EXOC4: variants seen among roughly 807,000 people sequenced by gnomAD.
The protein encoded by EXOC4 is exocyst complex component 4, also known as SEC8-like 1.
Under a neutral mutation model 107.2 loss-of-function variants are expected in EXOC4, and 71 were observed. The ratio of observed to expected loss-of-function variants is 0.66; its 90% CI spans 0.55 to 0.81. The LOEUF (loss-of-function observed/expected upper bound fraction) is 0.81, where lower values mean the gene tolerates loss of function less well. Ranked by LOEUF, EXOC4 falls within the 30% of genes least tolerant of loss-of-function variation. The pLI, the probability that EXOC4 is intolerant of heterozygous loss-of-function variation, is 0.00. For missense variants in EXOC4, 1,108 were observed against 1,189.6 expected (o/e 0.93, Z 1.01); for synonymous variants, 456 against 441.2 (o/e 1.03, Z -0.42).
At position 133,781,005 on chromosome 7, in the gene EXOC4, T is replaced by C. The variant is rs186181256; in HGVS notation, c.1515-36320T>C. On this transcript the variant is annotated intron_variant, in intron 10 of 17. Transcript: ENST00000253861. ...ACAAAACTGGGTAGATAACCTTTTA[T>C]TAGCCTTTGGAAGCAAGAGGCACTG... 4.6e-5 allele frequency among the ~76,000 whole-genome samples: 7 copies of C among 152,326 alleles called. 1 individual carries two copies. Among genetic ancestry groups the C allele is most frequent in the Admixed American group, 4.6e-4 (7 of 15,306 alleles).
At chr7:134,100,254 AAG>A in the EXOC4 span, among the ~76,000 whole-genome samples, 1 of 75,466 alleles carries the variant, frequency 1.3e-5, no homozygotes, top group Admixed American at 1.7e-4. Flanking sequence ...CTGCTGCCAC[AAG>A]CCTAGGAACC....
chr7:133,464,209 A>G (rs944441025), intron 7 of EXOC4, among the ~76,000 whole-genome samples: 12 of 152,174 alleles, frequency 7.9e-5, no homozygotes, highest in African/African-American at 2.9e-4. Context: ...GTACATTTGC[A>G]GGATGTGCAG....
At chr7:134,055,123 C>T (rs1191233783) in intron 17 of EXOC4, among the ~76,000 whole-genome samples, 4 of 152,142 alleles carry the variant, frequency 2.6e-5, no homozygotes, top group Non-Finnish European at 5.9e-5. Context: ...GGTTCTTCTA[C>T]GAAATCATTT....
chr7:133,475,212 A>G (rs1425314793), intron 7 of EXOC4, 116 bp from the exon 8 acceptor site: 1 of 829,760 alleles, frequency 1.2e-6, no homozygotes, highest in East Asian at 2.7e-5. Flanking sequence ...TGACCAGGTT[A>G]ATATACTCCT....
intron 9 of EXOC4, among the ~76,000 whole-genome samples, chr7:133,501,298 C>T (rs1161796487): frequency 6.6e-6 from 1 of 151,984 alleles, no homozygotes; most frequent in Admixed American, 6.6e-5. Flanking sequence ...CTTTGAGTGC[C>T]ACCATGGCAG....
intron 14 of EXOC4, among the ~76,000 whole-genome samples, chr7:133,950,408 A>G (rs1262395153): frequency 6.6e-6 from 1 of 152,166 alleles, no homozygotes; most frequent in Non-Finnish European, 1.5e-5. Context: ...AGATCTGTAT[A>G]CTTTACCCAA....
chr7:133,552,347 C>G (rs899273949), intron 9 of EXOC4, among the ~76,000 whole-genome samples: 10 of 152,080 alleles, frequency 6.6e-5, no homozygotes, highest in African/African-American at 2.4e-4. Context: ...TTTTAATAGA[C>G]AGGGCAGAAA....
chr7:133,518,522 C>T (rs2150907468), intron 9 of EXOC4, among the ~76,000 whole-genome samples: 1 of 152,014 alleles, frequency 6.6e-6, no homozygotes, highest in East Asian at 1.9e-4. Flanking sequence ...AAAACAGGGA[C>T]TCAAACAGAT....
At chr7:133,646,475 A>T (rs1283716465) in intron 10 of EXOC4, among the ~76,000 whole-genome samples, 1 of 152,106 alleles carries the variant, frequency 6.6e-6, no homozygotes, top group Non-Finnish European at 1.5e-5. Flanking sequence ...ATGAAAGTGT[A>T]AGCTTTTTCA....
chr7:133,755,255 AT>A (rs1795882167), intron 10 of EXOC4, among the ~76,000 whole-genome samples: 1 of 100,428 alleles, frequency 1.0e-5, no homozygotes, highest in Non-Finnish European at 1.9e-5. Context: ...TATATATATT[AT>A]ATATATATTA....
At chr7:133,900,710 G>A (rs1448126206) in intron 12 of EXOC4, among the ~76,000 whole-genome samples, 4 of 152,144 alleles carry the variant, frequency 2.6e-5, no homozygotes, top group African/African-American at 9.7e-5. Flanking sequence ...GGAAGGAACA[G>A]ATTAAGAGAT....
At chr7:133,271,048 A>G (rs1246394654) in intron 1 of EXOC4, among the ~76,000 whole-genome samples, 2 of 151,612 alleles carry the variant, frequency 1.3e-5, no homozygotes, top group Non-Finnish European at 2.9e-5. Flanking sequence ...CCTCCCGAAT[A>G]ACTGGGACAA....
intron 11 of EXOC4, among the ~76,000 whole-genome samples, chr7:133,866,774 A>T (rs1798649780): frequency 6.6e-6 from 1 of 152,210 alleles, no homozygotes; most frequent in South Asian, 2.1e-4. Flanking sequence ...CTTATATATA[A>T]GGTGTACAAT....
At chr7:133,279,038 C>A (rs1794067489) in intron 2 of EXOC4, among the ~76,000 whole-genome samples, 1 of 150,168 alleles carries the variant, frequency 6.7e-6, no homozygotes, top group Admixed American at 6.7e-5. Context: ...TCTCATTGTT[C>A]AATTCCCACC....
chr7:133,530,177 G>A (rs186085924), intron 9 of EXOC4, among the ~76,000 whole-genome samples: 131 of 152,286 alleles, frequency 8.6e-4, no homozygotes, highest in Non-Finnish European at 1.6e-3. Context: ...GGTGGAAGTC[G>A]TGTGACATAG....
intron 4 of EXOC4, among the ~76,000 whole-genome samples, 196 bp from the exon 5 acceptor site, chr7:133,317,088 T>C (rs1795006019): frequency 6.6e-6 from 1 of 152,122 alleles, no homozygotes; most frequent in South Asian, 2.1e-4. Context: ...AATACATTTT[T>C]ATACCCCTGT....
At chr7:133,702,393 C>T (rs930117019) in intron 10 of EXOC4, among the ~76,000 whole-genome samples, 1 of 34,634 alleles carries the variant, frequency 2.9e-5, no homozygotes, top group African/African-American at 1.4e-4. Flanking sequence ...AGCTGCAGTG[C>T]AGTGATGTGA....
intron 9 of EXOC4, among the ~76,000 whole-genome samples, chr7:133,570,719 T>G (rs1257980470): frequency 6.6e-6 from 1 of 151,710 alleles, no homozygotes; most frequent in East Asian, 1.9e-4. Flanking sequence ...TCCTCAATAT[T>G]TTTTTTTGAT....
chr7:133,872,534 A>G (rs1046612909), intron 11 of EXOC4, among the ~76,000 whole-genome samples: 4 of 152,208 alleles, frequency 2.6e-5, no homozygotes, highest in Admixed American at 2.0e-4. Context: ...AAAGGGAAAC[A>G]ATAAAAGAAG....
Sources: allele counts gnomAD v4.1 joint callset (sites outside exome capture counted in the v4.1 genomes callset), GRCh38; gene constraint gnomAD v4.1.1; transcripts MANE v1.5; gene names NCBI Gene and HGNC (gene_info 2026-07-23, HGNC 2026-07-21).